The following SLC8A1 variants were observed in gnomAD, a reference collection of about 807,000 sequenced individuals.
The protein encoded by SLC8A1 is sodium/calcium exchanger 1.
A neutral mutation model predicts 68.3 loss-of-function variants in SLC8A1; 18 were observed. The observed-to-expected ratio is 0.26, with a 90% CI of 0.18 to 0.39. The LOEUF (loss-of-function observed/expected upper bound fraction) is 0.39. SLC8A1 is among the 10% of genes least tolerant of loss of function. The pLI, the probability that SLC8A1 is intolerant of heterozygous loss-of-function variation, is 1.00. For synonymous variants in SLC8A1, 475 were observed against 415.5 expected (o/e 1.14, Z -1.74); for missense variants, 985 against 1,156.7 (o/e 0.85, Z 2.15).
chr2:40,398,578 A>T (rs564432342), intron 2 of SLC8A1, among the ~76,000 whole-genome samples: 1 of 152,200 alleles, frequency 6.6e-6, no homozygotes, highest in Admixed American at 6.5e-5. Context: ...TCCTACGTAC[A>T]TATTTTATTT....
At chr2:40,475,210 T>C (rs1704209017) in intron 1 of SLC8A1, among the ~76,000 whole-genome samples, 1 of 152,178 alleles carries the variant, frequency 6.6e-6, no homozygotes, top group African/African-American at 2.4e-5. Flanking sequence ...CTCTGCTCAC[T>C]GCAAGCTCCG....
intron 2 of SLC8A1, among the ~76,000 whole-genome samples, chr2:40,237,916 C>A (rs917614719): frequency 2.7e-4 from 37 of 139,064 alleles, no homozygotes; most frequent in Middle Eastern, 7.6e-3. Flanking sequence ...TTAGGCTGCT[C>A]GGGGGTCAGG....
chr2:40,469,342 G>C (rs1320484690), intron 1 of SLC8A1, among the ~76,000 whole-genome samples: 1 of 152,086 alleles, frequency 6.6e-6, no homozygotes, highest in East Asian at 1.9e-4. Context: ...TGGTTAAAAA[G>C]TGTGTGGCAC....
chr2:40,207,634 TATAAA>T (rs1282305567), intron 2 of SLC8A1, among the ~76,000 whole-genome samples: 1 of 152,086 alleles, frequency 6.6e-6, no homozygotes, highest in Non-Finnish European at 1.5e-5. Flanking sequence ...ATGAAAATAA[TATAAA>T]ATGATTGCTT....
intron 2 of SLC8A1, among the ~76,000 whole-genome samples, chr2:40,316,211 C>A (rs575281893): frequency 6.6e-6 from 1 of 152,156 alleles, no homozygotes; most frequent in East Asian, 1.9e-4. Context: ...TCCAATCACA[C>A]TGATATCATT....
intron 2 of SLC8A1, among the ~76,000 whole-genome samples, chr2:40,332,292 A>T (rs1444989558): frequency 6.6e-6 from 1 of 151,948 alleles, no homozygotes; most frequent in Non-Finnish European, 1.5e-5. Flanking sequence ...AGGATGGTGA[A>T]GAGCTCTGTT....
chr2:40,327,271 A>G (rs1175386181), intron 2 of SLC8A1, among the ~76,000 whole-genome samples: 1 of 152,226 alleles, frequency 6.6e-6, no homozygotes. Flanking sequence ...ATGACATACA[A>G]TTCACATGAA....
rs535421045 is a variant in SLC8A1 at position 40,426,024 on chromosome 2, G to A, written c.1808+2449C>T. ...AGAAACCTTGTGTTTGAATCTTGGT[G>A]CTTAATTTAAGGTTAAGTCCCAGCC... On this transcript the variant is annotated intron_variant, in intron 2 of 7. Coordinates refer to ENST00000406785, the Ensembl canonical transcript of SLC8A1. Among the ~76,000 whole-genome samples the A allele has an allele frequency of 1.6e-4, 24 of 151,990 alleles. No homozygotes were observed. The South Asian group carries it at 4.8e-3, about 30-fold the overall frequency.
At chr2:40,210,973 A>T (rs1012983307) in intron 2 of SLC8A1, among the ~76,000 whole-genome samples, 2 of 152,242 alleles carry the variant, frequency 1.3e-5, no homozygotes, top group Non-Finnish European at 2.9e-5. Context: ...AGTCCTTGCT[A>T]GATTTTATCA....
chr2:40,488,407 G>T (rs1340291452), intron 1 of SLC8A1, among the ~76,000 whole-genome samples: 1 of 151,954 alleles, frequency 6.6e-6, no homozygotes, highest in Admixed American at 6.6e-5. Flanking sequence ...AGATGTGCAG[G>T]CAGACCCTCT....
exon 8 of SLC8A1, chr2:40,109,308 C>G (rs2034417681): frequency 6.6e-6 from 1 of 152,076 alleles, no homozygotes. Flanking sequence ...CATACTCCAC[C>G]TTTGTAGAAA....
chr2:40,447,879 C>A (rs770501945), intron 1 of SLC8A1, among the ~76,000 whole-genome samples: 2 of 152,208 alleles, frequency 1.3e-5, no homozygotes, highest in Non-Finnish European at 2.9e-5. Flanking sequence ...AGAGCTTTTC[C>A]TCTTCCACAT....
intron 2 of SLC8A1, among the ~76,000 whole-genome samples, chr2:40,343,455 C>G (rs533607725): frequency 6.6e-6 from 1 of 152,110 alleles, no homozygotes; most frequent in Non-Finnish European, 1.5e-5. Flanking sequence ...GCTAACATCA[C>G]AAATTACCCT....
chr2:40,288,423 T>C (rs951412890), intron 2 of SLC8A1, among the ~76,000 whole-genome samples: 3 of 152,156 alleles, frequency 2.0e-5, no homozygotes, highest in African/African-American at 4.8e-5. Context: ...CTGGCTTCAG[T>C]GCAACCTCAT....
At chr2:40,493,884 C>T (rs1559769627) in intron 1 of SLC8A1, among the ~76,000 whole-genome samples, 2 of 151,852 alleles carry the variant, frequency 1.3e-5, no homozygotes, top group Admixed American at 1.3e-4. Flanking sequence ...TTTTTCTCTC[C>T]CCAACATTCC....
At chr2:40,277,417 G>A (rs2066863429) in intron 2 of SLC8A1, among the ~76,000 whole-genome samples, 1 of 152,018 alleles carries the variant, frequency 6.6e-6, no homozygotes, top group South Asian at 2.1e-4. Context: ...GTGGGTGCCT[G>A]TAATCCCAGC....
intron 2 of SLC8A1, among the ~76,000 whole-genome samples, chr2:40,359,669 T>C (rs1432858183): frequency 6.6e-6 from 1 of 152,086 alleles, no homozygotes; most frequent in African/African-American, 2.4e-5. Context: ...TAGTAATGAA[T>C]TGAGTATGTT....
At chr2:40,339,642 T>C (rs948016034) in intron 2 of SLC8A1, among the ~76,000 whole-genome samples, 3 of 152,186 alleles carry the variant, frequency 2.0e-5, no homozygotes, top group Non-Finnish European at 4.4e-5. Flanking sequence ...CAATTTATGA[T>C]TCCATTGTCA....
chr2:40,233,078 T>C (rs1040520698), intron 2 of SLC8A1, among the ~76,000 whole-genome samples: 20 of 152,306 alleles, frequency 1.3e-4, no homozygotes, highest in African/African-American at 4.1e-4. Context: ...TGTGTCTTTA[T>C]AGCAGCATGA....
Sources: allele counts gnomAD v4.1 joint callset (sites outside exome capture counted in the v4.1 genomes callset), GRCh38; gene constraint gnomAD v4.1.1; transcripts MANE v1.5; gene names NCBI Gene and HGNC (gene_info 2026-07-23, HGNC 2026-07-21).